Variants in FAM234A observed in about 807,000 individuals in gnomAD.
FAM234A encodes protein FAM234A.
Under a neutral mutation model 49.1 loss-of-function variants are expected in FAM234A, and 42 were observed. The ratio of observed to expected loss-of-function variants is 0.86; its 90% CI spans 0.67 to 1.11. FAM234A has a LOEUF of 1.11. Among genes scored for constraint, FAM234A ranks in the 50% least tolerant of loss-of-function variants. The pLI, the probability that FAM234A is intolerant of heterozygous loss-of-function variation, is 0.00. For missense variants in FAM234A, 815 were observed against 745.2 expected, an observed-to-expected ratio of 1.09 and a Z score of -1.09; for synonymous variants, 369 against 316.2, an observed-to-expected ratio of 1.17 and a Z score of -1.77.
intron 9 of FAM234A, 34 bp downstream of exon 9, chr16:263,436 G>C: frequency 6.3e-7 from 1 of 1,599,716 alleles, no homozygotes; most frequent in Non-Finnish European, 8.5e-7. Context: ...CGCAGGTGCT[G>C]CACCCCTTCC....
chr16:254,297 AG>A, intron 2 of FAM234A, 83 bp from the exon 3 acceptor site: 1 of 1,133,338 alleles, frequency 8.8e-7, no homozygotes, highest in Non-Finnish European at 1.3e-6. Context: ...GTCCCCAAGA[AG>A]CCGACGCCAG....
At chr16:259,903 G>T in intron 4 of FAM234A, 66 bp from the exon 5 acceptor site, 1 of 1,439,256 alleles carries the variant, frequency 6.9e-7, no homozygotes, top group East Asian at 2.3e-5. Context: ...AACAGCACAT[G>T]CTGGGGCTGG....
chr16:269,292 C>T, downstream of FAM234A: 2 of 1,580,558 alleles, frequency 1.3e-6, no homozygotes, highest in Non-Finnish European at 1.7e-6. Flanking sequence ...TCTCCACCCC[C>T]AGGGCCACAA....
chr16:255,401 G>A (rs1052177371), intron 3 of FAM234A, among the ~76,000 whole-genome samples: 3 of 151,996 alleles, frequency 2.0e-5, no homozygotes, highest in East Asian at 1.9e-4. Flanking sequence ...GGCACAGACC[G>A]CATCTCTACA....
Position 259,503 on chromosome 16 carries a change from G to A in FAM234A, c.289G>A (p.Val97Met). The A allele has an allele frequency of 1.2e-6, 2 of 1,605,628 alleles. No homozygotes were observed. The highest frequency in any genetic ancestry group is 1.7e-6 in the Non-Finnish European group (2 of 1,172,484). The change falls in exon 4 of 13, where the codon GTG becomes ATG. Residue 97 changes from valine (V) to methionine (M), a missense_variant. Physicochemically the swap from Val to Met is conservative, Grantham distance 21. Transcript: ENST00000399932. ...SAAVIYDFLA[V>M]DDINGDRIQD... is the part of the protein sequence containing the mutation. ...TTCAGTTATCTATGACTTTCTGGCT[G>A]TGGATGATATAAACGGGGACAGGAT...
chr16:258,649 C>T (rs1008917276), intron 3 of FAM234A, among the ~76,000 whole-genome samples: 3 of 152,192 alleles, frequency 2.0e-5, no homozygotes, highest in Admixed American at 6.5e-5. Context: ...CATCATGGCC[C>T]GTTCTCAATG....
At chr16:247,593 G>T (rs754288066) in intron 1 of FAM234A, among the ~76,000 whole-genome samples, 1 of 151,588 alleles carries the variant, frequency 6.6e-6, no homozygotes, top group Non-Finnish European at 1.5e-5. Flanking sequence ...CACCACGCCC[G>T]ACTAATTTTT....
Position 265,490 on chromosome 16 carries a change from C to T in FAM234A, c.*468C>T, listed in dbSNP as rs2051662798. On this transcript the variant is annotated 3_prime_UTR_variant, in exon 13 of 13. Coordinates refer to ENST00000399932, the MANE Select transcript of FAM234A (RefSeq NM_032039.4). ...TAGAAGTCCATTCCCCTTTTCCCTC[C>T]TGTGCTCTGTCCCCCAAGGAGTCAT... The T allele has an allele frequency of 2.0e-6, 2 of 990,594 alleles. No homozygotes were observed. The highest frequency in any genetic ancestry group is 6.0e-5 in the Admixed American group (1 of 16,684). 61.4% of individuals were successfully genotyped at this position (990,594 alleles called of 1,614,324 possible). A position where few individuals can be genotyped will look rare whatever the true frequency, so the allele number is the denominator to read the frequency against.
At position 265,543 on chromosome 16, in the gene FAM234A, G is replaced by A; in HGVS notation, c.*521G>A. The A allele has an allele frequency of 1.0e-6, 1 of 986,108 alleles. No homozygotes were observed. The highest frequency in any genetic ancestry group is 1.7e-5 in the African/African-American group (1 of 57,330). 61.1% of individuals were successfully genotyped at this position (986,108 alleles called of 1,614,324 possible). On this transcript the variant is annotated 3_prime_UTR_variant, in exon 13 of 13. Coordinates refer to ENST00000399932, the MANE Select transcript of FAM234A (RefSeq NM_032039.4). Reference sequence around the variant, plus strand: ...AACTCAGGGTACTGGGCCTCAACGGGAACCTGAGACAGCTCCAGCTTCGCA... The same window carrying A: ...AACTCAGGGTACTGGGCCTCAACGGAAACCTGAGACAGCTCCAGCTTCGCA...
chr16:255,551 G>C (rs1156999631), intron 3 of FAM234A, among the ~76,000 whole-genome samples: 1 of 152,186 alleles, frequency 6.6e-6, no homozygotes, highest in Non-Finnish European at 1.5e-5. Flanking sequence ...TCCAGCCTGG[G>C]TGACAGAGAG....
Position 265,042 on chromosome 16 carries a change from T to C in FAM234A, c.*20T>C, listed in dbSNP as rs181277507. 3.9e-4 allele frequency: 624 copies of C among 1,580,670 alleles called. 1 individual carries two copies. The highest frequency in any genetic ancestry group is 7.4e-4 in the Admixed American group (43 of 58,436). ...GCGTAGAGGCACGCCAGCCAGAGCC[T>C]GTGGAGAGACTCCGCCTGCTGACAC... On this transcript the variant is annotated 3_prime_UTR_variant, in exon 13 of 13. Coordinates refer to ENST00000399932, the MANE Select transcript of FAM234A (RefSeq NM_032039.4).
intron 2 of FAM234A, among the ~76,000 whole-genome samples, chr16:250,220 C>T (rs1023236172): frequency 4.6e-5 from 7 of 152,216 alleles, no homozygotes; most frequent in East Asian, 1.9e-4. Context: ...CGTGAGCCAC[C>T]GCGCCCGGCC....
At chr16:244,113 CA>C (rs1183536853) in intron 1 of FAM234A, among the ~76,000 whole-genome samples, 1 of 152,004 alleles carries the variant, frequency 6.6e-6, no homozygotes, top group Non-Finnish European at 1.5e-5. Flanking sequence ...GGACTACAGG[CA>C]CCCGCCACCA....
In FAM234A at chr16:265,601, C is replaced by T; in HGVS notation, c.*579C>T. The T allele has an allele frequency of 2.0e-6, 2 of 985,790 alleles. No individual in the cohort carries two copies. Among genetic ancestry groups the T allele is most frequent in the Non-Finnish European group, 2.4e-6 (2 of 830,252 alleles). The allele number at this position is 985,790 out of a possible 1,614,324, so 61.1% of individuals were successfully genotyped here. On this transcript the variant is annotated 3_prime_UTR_variant, in exon 13 of 13. Transcript: ENST00000399932. ...CCGGAGCTACAGGGGGATCCTCTAGCATGGGGGGTGTGACTTGGTTCCTTT... is the reference window on the plus strand; with the variant it reads ...CCGGAGCTACAGGGGGATCCTCTAGTATGGGGGGTGTGACTTGGTTCCTTT...
intron 1 of FAM234A, among the ~76,000 whole-genome samples, chr16:241,514 G>A (rs915750888): frequency 2.0e-5 from 3 of 151,982 alleles, no homozygotes; most frequent in Admixed American, 6.6e-5. Flanking sequence ...TCTTGAGCCC[G>A]GGGATTCAAG....
At chr16:235,359 C>G (rs750044977) in intron 1 of FAM234A, among the ~76,000 whole-genome samples, 2 of 152,156 alleles carry the variant, frequency 1.3e-5, no homozygotes, top group African/African-American at 4.8e-5. Context: ...CCGTCCGGCA[C>G]CCCGGGAAAG....
At chr16:238,418 G>A (rs1343150005) in intron 1 of FAM234A, among the ~76,000 whole-genome samples, 1 of 152,042 alleles carries the variant, frequency 6.6e-6, no homozygotes, top group African/African-American at 2.4e-5. Context: ...GTAATCTCTG[G>A]GAATCTGATT....
At chr16:261,651 G>A (rs534121129) in intron 6 of FAM234A, 137 bp downstream of exon 6, 42 of 1,064,068 alleles carry the variant, frequency 3.9e-5, no homozygotes, top group Admixed American at 3.4e-4. Context: ...AGAGCCCCAC[G>A]TTCCCAACTC....
Position 262,093 on chromosome 16 carries a change from G to A in FAM234A, c.709G>A (p.Val237Ile). 2 of 1,613,808 alleles carry A rather than the reference G, an allele frequency of 1.2e-6. No individual in the cohort carries two copies. Among genetic ancestry groups the A allele is most frequent in the Non-Finnish European group, 8.5e-7 (1 of 1,179,896 alleles). Residue 237 changes from valine to isoleucine, a missense_variant and splice_region_variant, in exon 7 of 13, where the codon GTT becomes ATT. Coordinates refer to ENST00000399932, the MANE Select transcript of FAM234A (RefSeq NM_032039.4). ...CCTGTGTCATCCTGTGTCATTGCAG[G>A]TTAGTGGCCACCTCTACTCCGGCAG... Reference protein sequence around the residue: ...LLVLTQEREEVSGHLYSGSTG... With the variant: ...LLVLTQEREEISGHLYSGSTG...
Sources: allele counts gnomAD v4.1 joint callset (sites outside exome capture counted in the v4.1 genomes callset), GRCh38; gene constraint gnomAD v4.1.1; transcripts MANE v1.5; gene names NCBI Gene and HGNC (gene_info 2026-07-23, HGNC 2026-07-21).